The following ZNF385C variants were observed in gnomAD, a reference collection of about 807,000 sequenced individuals.
ZNF385C encodes the protein zinc finger protein 385C.
In ZNF385C, 28 loss-of-function variants were observed where a neutral mutation model predicts 35.4. That is an observed-to-expected ratio of 0.79 (90% confidence interval 0.59 to 1.08). The LOEUF (loss-of-function observed/expected upper bound fraction) is 1.08, where lower values mean the gene tolerates loss of function less well. Ranked by LOEUF, ZNF385C falls within the 50% of genes least tolerant of loss-of-function variation. ZNF385C has a pLI of 0.00. For missense variants in ZNF385C, 605 were observed against 595.6 expected (o/e 1.02, Z -0.16); for synonymous variants, 248 against 248.2 (o/e 1.00, Z 0.01).
chr17:42,082,429 G>A (rs966616387), intron 1 of ZNF385C, among the ~76,000 whole-genome samples: 2 of 152,250 alleles, frequency 1.3e-5, no homozygotes, highest in Non-Finnish European at 2.9e-5. Flanking sequence ...TAGGCCAAAG[G>A]TGGCAGTGTG....
At chr17:42,073,228 G>A (rs2143905633) in intron 1 of ZNF385C, among the ~76,000 whole-genome samples, 1 of 152,296 alleles carries the variant, frequency 6.6e-6, no homozygotes, top group East Asian at 1.9e-4. Flanking sequence ...CTTGAGGTCA[G>A]GAGTTCGAGA....
intron 1 of ZNF385C, among the ~76,000 whole-genome samples, chr17:42,093,336 C>T (rs1457980930): frequency 6.6e-6 from 1 of 152,146 alleles, no homozygotes; most frequent in East Asian, 1.9e-4. Context: ...GAGGGAGACT[C>T]CAAGTCCCAA....
At chr17:42,035,701 A>G (rs2052840375) in intron 3 of ZNF385C, among the ~76,000 whole-genome samples, 2 of 151,742 alleles carry the variant, frequency 1.3e-5, no homozygotes, top group African/African-American at 4.8e-5. Context: ...ACAGGCGCCC[A>G]CCACTACGTC....
At position 42,079,449 on chromosome 17, in the gene ZNF385C, G is replaced by A. The variant is rs1216666605; in HGVS notation, c.-2-16391C>T. 2.0e-5 allele frequency among the ~76,000 whole-genome samples: 3 copies of A among 149,748 alleles called. 1 individual carries two copies. Among genetic ancestry groups the A allele is most frequent in the Non-Finnish European group, 4.4e-5 (3 of 67,630 alleles). On this transcript the variant is annotated intron_variant, in intron 1 of 8. Transcript: ENST00000692273. ...CACGCCTGTAATCCCAGCACTTTGG[G>A]AGGCTGAGGCAGGAGGATCACTTGA...
In ZNF385C at chr17:42,084,340, C is replaced by A. The variant is rs555530881; in HGVS notation, c.-3+14070G>T. Among the ~76,000 whole-genome samples, 55 of 150,666 alleles carry A rather than the reference C, an allele frequency of 3.7e-4. No homozygotes were observed. In the East Asian group the frequency reaches 5.0e-3, roughly 14 times the overall value. ...GCTTGTCTCAAAAAAAAAAAAAACCCAAAACCAAAAACAAACAAAAAACTA... is the reference window on the plus strand; with the variant it reads ...GCTTGTCTCAAAAAAAAAAAAAACCAAAAACCAAAAACAAACAAAAAACTA... On this transcript the variant is annotated intron_variant, in intron 1 of 8. Transcript: ENST00000692273.
At chr17:42,077,165 T>C (rs2053695134) in intron 1 of ZNF385C, among the ~76,000 whole-genome samples, 1 of 152,218 alleles carries the variant, frequency 6.6e-6, no homozygotes, top group Non-Finnish European at 1.5e-5. Flanking sequence ...CAACTCTCAC[T>C]GTAGGTGCAA....
rs148210687 is a variant in ZNF385C, at chr17:42,075,669, T to C, written c.-2-12611A>G. 7.7e-3 allele frequency among the ~76,000 whole-genome samples: 1,172 copies of C among 152,160 alleles called. 15 individuals are homozygous for C. The highest frequency in any genetic ancestry group is 0.026 in the African/African-American group (1,080 of 41,516). ...ACCACCACGCCCAGCTCATTTTTTGTATTTTTAGTAGAGACAGGGTTTCAC... is the reference window on the plus strand; with the variant it reads ...ACCACCACGCCCAGCTCATTTTTTGCATTTTTAGTAGAGACAGGGTTTCAC... On this transcript the variant is annotated intron_variant, in intron 1 of 8. Transcript: ENST00000692273.
At chr17:42,082,670 T>C (rs1424315334) in intron 1 of ZNF385C, among the ~76,000 whole-genome samples, 1 of 152,242 alleles carries the variant, frequency 6.6e-6, no homozygotes, top group Non-Finnish European at 1.5e-5. Context: ...TGGCTGTTCA[T>C]GCCTGTAATC....
At chr17:42,047,900 G>T (rs552804391) in intron 2 of ZNF385C, among the ~76,000 whole-genome samples, 1 of 151,682 alleles carries the variant, frequency 6.6e-6, no homozygotes, top group South Asian at 2.1e-4. Context: ...TGATCTGCCC[G>T]CCTCAGCCTC....
At chr17:42,060,021 C>G (rs1383463603) in intron 2 of ZNF385C, among the ~76,000 whole-genome samples, 1 of 152,156 alleles carries the variant, frequency 6.6e-6, no homozygotes, top group Non-Finnish European at 1.5e-5. Flanking sequence ...GACCGTTGCC[C>G]AGGAAGTAAG....
intron 3 of ZNF385C, among the ~76,000 whole-genome samples, chr17:42,035,460 T>G (rs1009645153): frequency 2.0e-5 from 3 of 151,790 alleles, no homozygotes; most frequent in Non-Finnish European, 2.9e-5. Context: ...CCAGGCTTCA[T>G]GCAGGGACCT....
At position 42,043,191 on chromosome 17, in the gene ZNF385C, G is replaced by A. The variant is rs1555656312; in HGVS notation, c.251-5306C>T. ...AGTTGTCTGTGCCCACAGTGAAGGC[G>A]TTTTCGGCTTTGCCATGCTTGTTCC... On this transcript the variant is annotated intron_variant, in intron 2 of 8. Transcript: ENST00000692273. The A allele has an allele frequency of 1.2e-5, 15 of 1,232,112 alleles. No homozygotes were observed. In the Middle Eastern group the frequency reaches 9.3e-4, roughly 76 times the overall value. The allele number at this position is 1,232,112 out of a possible 1,614,324, so 76.3% of individuals were successfully genotyped here.
intron 1 of ZNF385C, among the ~76,000 whole-genome samples, chr17:42,093,584 TA>T (rs1245317931): frequency 1.2e-4 from 16 of 139,074 alleles, no homozygotes; most frequent in East Asian, 4.0e-4. Flanking sequence ...TTATTTTATT[TA>T]TTTTTTTTTT....
chr17:42,059,390 G>A (rs1221954742), intron 2 of ZNF385C, among the ~76,000 whole-genome samples: 6 of 152,182 alleles, frequency 3.9e-5, no homozygotes, highest in East Asian at 1.9e-4. Context: ...GACACACAAC[G>A]GATGGCCAGT....
Position 42,027,020 on chromosome 17 carries a change from G to T in ZNF385C, c.1389C>A (p.Leu463=), listed in dbSNP as rs59293351. The T allele has an allele frequency of 6.2e-7, 1 of 1,608,242 alleles. No homozygotes were observed. The highest frequency in any genetic ancestry group is 8.5e-7 in the Non-Finnish European group (1 of 1,177,202). Residue 463 remains leucine (L), a synonymous_variant, in exon 9 of 9, where the codon CTC becomes CTA. Transcript: ENST00000692273. The part of the protein sequence containing the change: ...AICALPGPLA[L]RPAPTAATTL... ...TAGTGGCTGCTGTAGGGGCAGGGCG[G>T]AGGGCCAGGGGCCCTGGCAGAGCAC...
intron 3 of ZNF385C, among the ~76,000 whole-genome samples, chr17:42,035,692 C>T (rs2052839948): frequency 6.6e-6 from 1 of 151,714 alleles, no homozygotes; most frequent in Non-Finnish European, 1.5e-5. Context: ...GCTGGGATTA[C>T]AGGCGCCCAC....
chr17:42,054,801 C>T lies in ZNF385C; in HGVS notation c.250+8006G>A, dbSNP rs374684681. ...TTCACCATGTTGGCTAGGGTGATCT[C>T]GAACTCCTGACCTCAAATGATCCAC... On this transcript the variant is annotated intron_variant, in intron 2 of 8. Coordinates refer to ENST00000692273, the MANE Select transcript of ZNF385C (RefSeq NM_001392013.1). 3.3e-5 allele frequency among the ~76,000 whole-genome samples: 5 copies of T among 152,134 alleles called. No individual in the cohort carries two copies. In the South Asian group the frequency reaches 6.2e-4, roughly 19 times the overall value.
chr17:42,057,539 T>TGTGTGTGA (rs1209123915), intron 2 of ZNF385C, among the ~76,000 whole-genome samples: 2 of 151,446 alleles, frequency 1.3e-5, no homozygotes, highest in African/African-American at 4.9e-5. Context: ...TGTGTGTGTG[T>TGTGTGTGA]GATGGTCCAT....
intron 2 of ZNF385C, among the ~76,000 whole-genome samples, chr17:42,047,488 A>G (rs1473668786): frequency 6.6e-6 from 1 of 151,780 alleles, no homozygotes; most frequent in African/African-American, 2.4e-5. Context: ...AAGCTCTGAG[A>G]CTGCAGTAAC....
Sources: allele counts gnomAD v4.1 joint callset (sites outside exome capture counted in the v4.1 genomes callset), GRCh38; gene constraint gnomAD v4.1.1; transcripts MANE v1.5; gene names NCBI Gene and HGNC (gene_info 2026-07-23, HGNC 2026-07-21).